OXR1: variants seen among roughly 807,000 people sequenced by gnomAD.
The protein encoded by OXR1 is oxidation resistance protein 1.
Under a neutral mutation model 104.6 loss-of-function variants are expected in OXR1, and 41 were observed. The observed-to-expected ratio is 0.39, with a 90% confidence interval of 0.31 to 0.51. The LOEUF is 0.51. Ranked by LOEUF, OXR1 falls within the 20% of genes least tolerant of loss-of-function variation. The pLI, the probability that OXR1 is intolerant of heterozygous loss-of-function variation, is 0.77. For missense variants in OXR1, 955 were observed against 1,031.9 expected (o/e 0.93, Z 1.02); for synonymous variants, 348 against 348.4 (o/e 1.00, Z 0.01).
At chr8:106,687,230 C>T (rs1387619179) in intron 6 of OXR1, among the ~76,000 whole-genome samples, 1 of 152,170 alleles carries the variant, frequency 6.6e-6, no homozygotes, top group Non-Finnish European at 1.5e-5. Flanking sequence ...TGTAAGGTTA[C>T]TCCAGAGTGA....
At chr8:106,623,017 T>C (rs1821851326) in intron 3 of OXR1, among the ~76,000 whole-genome samples, 1 of 152,086 alleles carries the variant, frequency 6.6e-6, no homozygotes, top group Non-Finnish European at 1.5e-5. Context: ...AGAAACTTAT[T>C]CAAAGTCAAA....
chr8:106,654,528 A>T (rs1317363345), intron 3 of OXR1, among the ~76,000 whole-genome samples: 1 of 152,130 alleles, frequency 6.6e-6, no homozygotes, highest in Non-Finnish European at 1.5e-5. Context: ...CTGAAAATTA[A>T]CCCAACATAG....
chr8:106,409,463 G>A lies in OXR1; in HGVS notation c.23+49827G>A, dbSNP rs549843420. On this transcript the variant is annotated intron_variant, in intron 2 of 16. Transcript: ENST00000517566. ...GAAGCAAACAAAAAACAGGAAGGGA[G>A]GAGGGATTTAACAAAAGGGATTTAA... Among the ~76,000 whole-genome samples the A allele has an allele frequency of 2.6e-5, 4 of 152,174 alleles. No individual in the cohort carries two copies. The South Asian group carries it at 8.3e-4, about 32-fold the overall frequency.
chr8:106,273,523 C>T (rs574316139), intron 1 of OXR1, among the ~76,000 whole-genome samples: 1 of 152,310 alleles, frequency 6.6e-6, no homozygotes, highest in East Asian at 1.9e-4. Context: ...ATGCTGTGAA[C>T]ATTCTACAAT....
intron 2 of OXR1, among the ~76,000 whole-genome samples, chr8:106,370,592 G>A (rs939812225): frequency 6.6e-6 from 1 of 152,126 alleles, no homozygotes; most frequent in East Asian, 1.9e-4. Context: ...AGTTTATTGA[G>A]AGTTTTTAAC....
At chr8:106,421,719 G>T (rs1818913879) in intron 2 of OXR1, among the ~76,000 whole-genome samples, 1 of 152,146 alleles carries the variant, frequency 6.6e-6, no homozygotes, top group Admixed American at 6.6e-5. Flanking sequence ...AAATAAACAT[G>T]AAGAAAGAAA....
intron 2 of OXR1, among the ~76,000 whole-genome samples, chr8:106,474,774 T>C (rs1205099885): frequency 6.6e-6 from 1 of 151,962 alleles, no homozygotes; most frequent in Non-Finnish European, 1.5e-5. Context: ...TTGAGCAAGA[T>C]GATTTTATTC....
At chr8:106,376,204 A>G (rs1816900679) in intron 2 of OXR1, among the ~76,000 whole-genome samples, 1 of 152,162 alleles carries the variant, frequency 6.6e-6, no homozygotes, top group Admixed American at 6.5e-5. Context: ...AGGTGAAAAC[A>G]TTCCTGATAT....
chr8:106,327,572 C>G (rs917241751), intron 1 of OXR1, among the ~76,000 whole-genome samples: 1 of 152,106 alleles, frequency 6.6e-6, no homozygotes, highest in Admixed American at 6.5e-5. Context: ...AATTGTAATG[C>G]GTCTTGCTAA....
intron 3 of OXR1, among the ~76,000 whole-genome samples, chr8:106,541,652 G>C (rs1429270594): frequency 6.6e-6 from 1 of 152,162 alleles, no homozygotes; most frequent in Non-Finnish European, 1.5e-5. Flanking sequence ...ACTGAGTTTA[G>C]TAAATTGGTG....
At position 106,587,020 on chromosome 8, in the gene OXR1, G is replaced by A. The variant is rs1213070116; in HGVS notation, c.220+67881G>A. 3.9e-5 allele frequency among the ~76,000 whole-genome samples: 6 copies of A among 152,338 alleles called. No individual in the cohort carries two copies. In the South Asian group the frequency reaches 6.2e-4, roughly 16 times the overall value. On this transcript the variant is annotated intron_variant, in intron 3 of 16. Coordinates refer to ENST00000517566, the MANE Select transcript of OXR1 (RefSeq NM_001198533.2). ...CAGTAGAAAGGAGTGTTCATCCATA[G>A]TGTAAATTGGGTCAGGAGAGGGTTT... is the stretch of plus-strand genomic sequence containing the variant.
chr8:106,344,171 T>C (rs968589940), intron 1 of OXR1, among the ~76,000 whole-genome samples: 21 of 152,138 alleles, frequency 1.4e-4, no homozygotes, highest in African/African-American at 5.1e-4. Flanking sequence ...GGTTCCCTGG[T>C]TTTAGGAGGT....
At chr8:106,359,710 C>G (rs1334827670) in intron 2 of OXR1, 74 bp downstream of exon 2, 4 of 1,071,660 alleles carry the variant, frequency 3.7e-6, no homozygotes, top group Non-Finnish European at 4.2e-6. Flanking sequence ...GGGAGTCGTA[C>G]AGGCAGAACT....
intron 1 of OXR1, among the ~76,000 whole-genome samples, chr8:106,290,715 G>T (rs149108351): frequency 1.3e-5 from 2 of 152,128 alleles, no homozygotes; most frequent in East Asian, 1.9e-4. Flanking sequence ...ACTAATCAGC[G>T]TAGAAATAAA....
chr8:106,537,311 G>C (rs906842056), intron 3 of OXR1, among the ~76,000 whole-genome samples: 2 of 152,102 alleles, frequency 1.3e-5, no homozygotes, highest in Non-Finnish European at 2.9e-5. Context: ...CTTTCTTTAG[G>C]AGCTGACTGC....
intron 11 of OXR1, among the ~76,000 whole-genome samples, chr8:106,715,683 A>G (rs76899656): frequency 0.028 from 4,275 of 152,122 alleles, 212 homozygotes; most frequent in African/African-American, 0.099. Context: ...GGCACGGTGG[A>G]TGGCAGAATT....
intron 2 of OXR1, among the ~76,000 whole-genome samples, chr8:106,424,087 C>G (rs1819013159): frequency 6.6e-6 from 1 of 152,000 alleles, no homozygotes; most frequent in Non-Finnish European, 1.5e-5. Context: ...CAGACGTTTG[C>G]CACCACACTC....
chr8:106,744,061 G>T (rs893377427), intron 15 of OXR1, among the ~76,000 whole-genome samples: 1 of 152,176 alleles, frequency 6.6e-6, no homozygotes, highest in African/African-American at 2.4e-5. Flanking sequence ...GGTGTGGGGA[G>T]GGAGAGGAGA....
In OXR1 at chr8:106,683,222, T is replaced by C; in HGVS notation, c.327T>C (p.Asn109=). 1.9e-6 allele frequency: 3 copies of C among 1,584,872 alleles called. No homozygotes were observed. The highest frequency in any genetic ancestry group is 2.6e-6 in the Non-Finnish European group (3 of 1,155,608). ...AGGTTGAATCAAGGGATTCTTTGAATAGCATAGCCCTGAAGTTTGATACAA... is the reference window on the plus strand; with the variant it reads ...AGGTTGAATCAAGGGATTCTTTGAACAGCATAGCCCTGAAGTTTGATACAA... ...EYTVESRDSL[N]SIALKFDTTP... is the part of the protein sequence containing the mutation. The change falls in exon 5 of 17, where the codon AAT becomes AAC. Residue 109 remains asparagine, a synonymous_variant. Coordinates refer to ENST00000517566, the MANE Select transcript of OXR1 (RefSeq NM_001198533.2).
Sources: gnomAD v4.1 joint callset for allele counts (sites outside exome capture counted in the v4.1 genomes callset) on GRCh38, gnomAD v4.1.1 for gene constraint, MANE v1.5 for transcripts, NCBI Gene and HGNC (gene_info 2026-07-23, HGNC 2026-07-21) for gene names.